Variants in PTPRG observed in about 807,000 individuals in gnomAD.
PTPRG encodes the protein receptor-type tyrosine-protein phosphatase gamma.
In PTPRG, 102 loss-of-function variants were observed where a neutral mutation model predicts 165.3. That is an observed-to-expected ratio of 0.62 (90% CI 0.53 to 0.73). The LOEUF (loss-of-function observed/expected upper bound fraction) is 0.73, where lower values mean the gene tolerates loss of function less well. Among genes scored for constraint, PTPRG ranks in the 30% least tolerant of loss-of-function variants. The pLI is 0.00. For synonymous variants in PTPRG, 675 were observed against 669.5 expected (o/e 1.01, Z -0.13); for missense variants, 1,866 against 1,861.4 (o/e 1.00, Z -0.05).
chr3:61,934,843 A>G (rs916084751), intron 2 of PTPRG, among the ~76,000 whole-genome samples: 1 of 152,106 alleles, frequency 6.6e-6, no homozygotes, highest in African/African-American at 2.4e-5. Context: ...TAGTCTTCTG[A>G]CCATGGGGAG....
chr3:62,015,963 G>C (rs886222214), intron 4 of PTPRG, among the ~76,000 whole-genome samples: 11 of 152,062 alleles, frequency 7.2e-5, no homozygotes, highest in Admixed American at 1.3e-4. Flanking sequence ...TTAAAGCTTT[G>C]ACTATCCAGT....
intron 14 of PTPRG, among the ~76,000 whole-genome samples, chr3:62,235,956 C>A (rs1701024492): frequency 6.6e-6 from 1 of 152,148 alleles, no homozygotes; most frequent in African/African-American, 2.4e-5. Flanking sequence ...ATTTGATTAT[C>A]CCCCAAAGCA....
chr3:61,951,215 T>G (rs78053294), intron 2 of PTPRG, among the ~76,000 whole-genome samples: 1,609 of 152,332 alleles, frequency 0.011, 30 homozygotes, highest in African/African-American at 0.037. Context: ...TTTTTCCTAG[T>G]TACTAGAATT....
chr3:62,045,687 T>G (rs932934043), intron 4 of PTPRG, among the ~76,000 whole-genome samples: 6 of 152,192 alleles, frequency 3.9e-5, no homozygotes, highest in Admixed American at 3.9e-4. Flanking sequence ...TGCCAGTCAT[T>G]ACCTTGAATA....
At position 61,623,171 on chromosome 3, in the gene PTPRG, G is replaced by A. The variant is rs551997700; in HGVS notation, c.85+60799G>A. On this transcript the variant is annotated intron_variant, in intron 1 of 29. Transcript: ENST00000474889. ...ATAGATTTTTTTGCTCAGGGTCTAA[G>A]AATCGTAAGATACCAAACCTTGGAA... 9.8e-5 allele frequency among the ~76,000 whole-genome samples: 15 copies of A among 152,294 alleles called. No individual in the cohort carries two copies. The South Asian group carries it at 3.1e-3, about 32-fold the overall frequency.
chr3:62,191,267 C>T lies in PTPRG; in HGVS notation c.1034-202C>T, dbSNP rs558058161. 4.6e-5 allele frequency among the ~76,000 whole-genome samples: 7 copies of T among 150,758 alleles called. No homozygotes were observed. In the South Asian group the frequency reaches 6.4e-4, roughly 14 times the overall value. ...CACACGTGTGTGTGCATCTGTGTCC[C>T]GTGCACGTGTGTGTGAGAGAGAGGG... is the stretch of plus-strand genomic sequence containing the variant. On this transcript the variant is annotated intron_variant, in intron 8 of 29. Coordinates refer to ENST00000474889, the MANE Select transcript of PTPRG (RefSeq NM_002841.4).
At chr3:62,135,294 A>T (rs1703666278) in intron 6 of PTPRG, among the ~76,000 whole-genome samples, 1 of 151,906 alleles carries the variant, frequency 6.6e-6, no homozygotes, top group Non-Finnish European at 1.5e-5. Flanking sequence ...AAAGAAATAA[A>T]AATAAAAAAG....
At position 61,897,846 on chromosome 3, in the gene PTPRG, CATTT is replaced by C. The variant is rs374390377; in HGVS notation, c.191-91775_191-91772del. Among the ~76,000 whole-genome samples, 53 of 151,998 alleles carry C rather than the reference CATTT, an allele frequency of 3.5e-4. 1 individual carries two copies. The East Asian group carries it at 8.5e-3, about 24-fold the overall frequency. ...ACAGTTATAAATGGTATTTTTGTTC[CATTT>C]ATTCCTTTTTTAGTATATAGAAATG... On this transcript the variant is annotated intron_variant, in intron 2 of 29. Coordinates refer to ENST00000474889, the MANE Select transcript of PTPRG (RefSeq NM_002841.4).
At chr3:61,739,200 A>G (rs1168363164) in intron 1 of PTPRG, 1 of 151,910 alleles carries the variant, frequency 6.6e-6, no homozygotes, top group Non-Finnish European at 1.5e-5. Context: ...GATCAATTTG[A>G]TACATATTTC....
At chr3:62,032,551 A>G (rs9831751) in intron 4 of PTPRG, among the ~76,000 whole-genome samples, 38,956 of 151,720 alleles carry the variant, frequency 0.26, 5,546 homozygotes, top group Middle Eastern at 0.39. Flanking sequence ...TTTTTTTTAG[A>G]AAAGTATTGA....
chr3:61,718,263 C>T (rs971735850), intron 1 of PTPRG, among the ~76,000 whole-genome samples: 3 of 142,186 alleles, frequency 2.1e-5, no homozygotes, highest in Non-Finnish European at 4.6e-5. Context: ...GATTTGGAAA[C>T]TTCATTCAGG....
intron 2 of PTPRG, among the ~76,000 whole-genome samples, chr3:61,895,796 A>G (rs959543791): frequency 2.6e-5 from 4 of 152,188 alleles, no homozygotes; most frequent in Non-Finnish European, 4.4e-5. Context: ...AAAATTTGAA[A>G]GTGATACCAT....
chr3:62,241,577 T>C (rs1701161286), intron 14 of PTPRG, among the ~76,000 whole-genome samples: 2 of 152,254 alleles, frequency 1.3e-5, no homozygotes, highest in African/African-American at 4.8e-5. Context: ...TCAAAGATAA[T>C]GTGGGGCCTG....
At chr3:62,056,921 G>T (rs747171334) in intron 4 of PTPRG, among the ~76,000 whole-genome samples, 5 of 152,202 alleles carry the variant, frequency 3.3e-5, no homozygotes, top group African/African-American at 4.8e-5. Flanking sequence ...CGAGAAGGAG[G>T]TCCACAGATG....
At chr3:61,993,191 GT>G (rs964818712) in intron 3 of PTPRG, among the ~76,000 whole-genome samples, 38 of 150,322 alleles carry the variant, frequency 2.5e-4, no homozygotes, top group African/African-American at 8.3e-4. Flanking sequence ...CTGTACTATA[GT>G]TTTTTTTGTT....
chr3:62,072,423 G>A (rs756039951), intron 4 of PTPRG, among the ~76,000 whole-genome samples: 4 of 152,120 alleles, frequency 2.6e-5, no homozygotes, highest in Non-Finnish European at 5.9e-5. Flanking sequence ...AAAAACACCT[G>A]GAGGGTTTTG....
rs890636382 is a variant in PTPRG, at chr3:61,967,200, A to T, written c.191-22425A>T. ...CATTATGAGATCACACATAGGGCCT[A>T]TTGCAGTTATCACAGGCCTTATCTT... On this transcript the variant is annotated intron_variant, in intron 2 of 29. Coordinates refer to ENST00000474889, the MANE Select transcript of PTPRG (RefSeq NM_002841.4). 3.9e-5 allele frequency among the ~76,000 whole-genome samples: 6 copies of T among 152,180 alleles called. No individual in the cohort carries two copies. In the East Asian group the frequency reaches 1.2e-3, roughly 29 times the overall value.
chr3:62,241,895 T>TATTAAGTA (rs1186452916), intron 14 of PTPRG, among the ~76,000 whole-genome samples: 3 of 152,224 alleles, frequency 2.0e-5, no homozygotes, highest in Non-Finnish European at 4.4e-5. Context: ...GTTGAATAGC[T>TATTAAGTA]GTCCTCTAAC....
chr3:62,113,666 C>G (rs577200643), intron 5 of PTPRG, among the ~76,000 whole-genome samples: 59 of 152,328 alleles, frequency 3.9e-4, no homozygotes, highest in African/African-American at 1.3e-3. Context: ...ATCCTACCCT[C>G]TGGAGGGAAC....
Sources: gnomAD v4.1 joint callset for allele counts (sites outside exome capture counted in the v4.1 genomes callset) on GRCh38, gnomAD v4.1.1 for gene constraint, MANE v1.5 for transcripts, NCBI Gene and HGNC (gene_info 2026-07-23, HGNC 2026-07-21) for gene names.